The following MEGF9 variants were observed in gnomAD, a reference collection of about 807,000 sequenced individuals.
MEGF9 encodes multiple EGF like domains 9, also known as multiple epidermal growth factor-like domains protein 9.
In MEGF9, 6 loss-of-function variants were observed where a neutral mutation model predicts 46.8. The ratio of observed to expected loss-of-function variants is 0.13; its 90% CI spans 0.07 to 0.25. The LOEUF is 0.25. Ranked by LOEUF, MEGF9 falls within the 10% of genes least tolerant of loss-of-function variation. The pLI, the probability that MEGF9 is intolerant of heterozygous loss-of-function variation, is 1.00. For synonymous variants in MEGF9, 302 were observed against 330.7 expected (o/e 0.91, Z 0.94); for missense variants, 683 against 792.4 (o/e 0.86, Z 1.66).
At chr9:120,659,697 T>A in intron 1 of MEGF9, 122 bp from the exon 2 acceptor site, 1 of 807,300 alleles carries the variant, frequency 1.2e-6, no homozygotes, top group Non-Finnish European at 1.9e-6. Context: ...TAGATAAAAT[T>A]AACTCTAGTT....
At chr9:120,628,228 A>G (rs552353338) in intron 2 of MEGF9, among the ~76,000 whole-genome samples, 1 of 152,302 alleles carries the variant, frequency 6.6e-6, no homozygotes, top group South Asian at 2.1e-4. Context: ...TCCTCTTGTT[A>G]AAAGAAACTT....
intron 1 of MEGF9, among the ~76,000 whole-genome samples, chr9:120,675,620 G>A (rs1348636870): frequency 6.8e-6 from 1 of 147,268 alleles, no homozygotes; most frequent in Non-Finnish European, 1.5e-5. Flanking sequence ...CAGGCGCAGT[G>A]GCTCATGCCT....
rs1248913473 is a variant in MEGF9 at position 120,602,969 on chromosome 9, T to A, written c.*2221A>T. ...ACTAATACTAACTTCAGTTAGTAAA[T>A]CTTCTTGTGTTCTTTTCACTAAGTG... is the stretch of plus-strand genomic sequence containing the variant. On this transcript the variant is annotated 3_prime_UTR_variant, in exon 6 of 6. Coordinates refer to ENST00000373930, the MANE Select transcript of MEGF9 (RefSeq NM_001080497.3). 6.6e-6 allele frequency: 1 copy of A among 152,168 alleles called. No homozygotes were observed. Among genetic ancestry groups the A allele is most frequent in the Non-Finnish European group, 1.5e-5 (1 of 68,030 alleles). The allele number at this position is 152,168 out of a possible 1,614,324, so 9.4% of individuals were successfully genotyped here. A position where few individuals can be genotyped will look rare whatever the true frequency, so the allele number is the denominator to read the frequency against.
chr9:120,616,586 G>C (rs1197342033), intron 3 of MEGF9, among the ~76,000 whole-genome samples: 6 of 151,598 alleles, frequency 4.0e-5, no homozygotes, highest in Non-Finnish European at 8.8e-5. Flanking sequence ...GGCTGAGGCA[G>C]GAGAATGGCG....
intron 1 of MEGF9, among the ~76,000 whole-genome samples, chr9:120,709,777 G>T (rs928186292): frequency 6.6e-6 from 1 of 152,132 alleles, no homozygotes; most frequent in Non-Finnish European, 1.5e-5. Flanking sequence ...GCCAGCGTGC[G>T]GCAGCTCACA....
intron 1 of MEGF9, among the ~76,000 whole-genome samples, chr9:120,684,858 G>A (rs1351040809): frequency 6.6e-6 from 1 of 151,120 alleles, no homozygotes; most frequent in Non-Finnish European, 1.5e-5. Context: ...TTTTGAGACG[G>A]AGTCTCGCTC....
At chr9:120,674,566 TTCTC>T (rs917892291) in intron 1 of MEGF9, among the ~76,000 whole-genome samples, 111 of 151,982 alleles carry the variant, frequency 7.3e-4, no homozygotes, top group Non-Finnish European at 1.3e-3. Flanking sequence ...TCTTTCTTTC[TTCTC>T]TCTCTCTTTT....
At chr9:120,677,861 C>T (rs573930390) in intron 1 of MEGF9, among the ~76,000 whole-genome samples, 2 of 152,226 alleles carry the variant, frequency 1.3e-5, no homozygotes, top group African/African-American at 4.8e-5. Flanking sequence ...GTTAATTGTT[C>T]ATGTTTCGAG....
chr9:120,674,880 A>ATT (rs35813407), intron 1 of MEGF9, among the ~76,000 whole-genome samples: 163 of 135,718 alleles, frequency 1.2e-3, no homozygotes, highest in East Asian at 1.7e-3. Flanking sequence ...AGCAGTTTCT[A>ATT]TTTTTTTTTT....
chr9:120,612,747 G>A (rs996922849), intron 3 of MEGF9, among the ~76,000 whole-genome samples: 52 of 152,138 alleles, frequency 3.4e-4, no homozygotes, highest in Non-Finnish European at 2.5e-4. Context: ...AGGGAAAGGT[G>A]GGATACAAGA....
intron 1 of MEGF9, among the ~76,000 whole-genome samples, chr9:120,703,313 A>G (rs951692052): frequency 4.6e-5 from 7 of 152,242 alleles, no homozygotes; most frequent in Non-Finnish European, 7.3e-5. Context: ...TTAAGAATCT[A>G]TCTGGGCTGG....
At chr9:120,647,555 A>G (rs117971579) in intron 2 of MEGF9, among the ~76,000 whole-genome samples, 1 of 152,330 alleles carries the variant, frequency 6.6e-6, no homozygotes, top group Non-Finnish European at 1.5e-5. Context: ...AAAATATTCA[A>G]GTGTACCATA....
chr9:120,656,456 A>T (rs1452231303), intron 2 of MEGF9, among the ~76,000 whole-genome samples: 1 of 149,510 alleles, frequency 6.7e-6, no homozygotes, highest in Non-Finnish European at 1.5e-5. Flanking sequence ...CTCAGGCAGG[A>T]GAATGGCGTG....
intron 2 of MEGF9, among the ~76,000 whole-genome samples, chr9:120,623,300 T>C (rs1184991408): frequency 1.2e-4 from 19 of 152,244 alleles, no homozygotes; most frequent in Non-Finnish European, 7.3e-5. Flanking sequence ...CTTCATTCTG[T>C]AGATCCAAAG....
At chr9:120,708,967 C>T (rs7869650) in intron 1 of MEGF9, among the ~76,000 whole-genome samples, 3,618 of 152,248 alleles carry the variant, frequency 0.024, 152 homozygotes, top group African/African-American at 0.084. Flanking sequence ...CAACATAATG[C>T]GGCTGCCAAA....
intron 1 of MEGF9, chr9:120,690,007 AAGAC>A (rs576028148): frequency 7.6e-6 from 4 of 525,678 alleles, no homozygotes; most frequent in Non-Finnish European, 1.6e-5. Flanking sequence ...TGAATAAACA[AAGAC>A]AGACAATGAG....
chr9:120,618,448 T>A (rs2043481828), intron 3 of MEGF9, among the ~76,000 whole-genome samples: 1 of 152,234 alleles, frequency 6.6e-6, no homozygotes, highest in Non-Finnish European at 1.5e-5. Flanking sequence ...AAAGGTACAC[T>A]GGATTTTCAA....
At chr9:120,710,079 C>T (rs2132347829) in intron 1 of MEGF9, among the ~76,000 whole-genome samples, 1 of 147,696 alleles carries the variant, frequency 6.8e-6, no homozygotes, top group East Asian at 2.0e-4. Context: ...ACCTTAGTGT[C>T]TTACTGATTA....
At chr9:120,608,418 C>T (rs1051487824) in intron 4 of MEGF9, among the ~76,000 whole-genome samples, 1 of 152,098 alleles carries the variant, frequency 6.6e-6, no homozygotes, top group Non-Finnish European at 1.5e-5. Context: ...GTGTTATTCC[C>T]TTCTTTTTAT....
Sources: allele counts gnomAD v4.1 joint callset (sites outside exome capture counted in the v4.1 genomes callset), GRCh38; gene constraint gnomAD v4.1.1; transcripts MANE v1.5; gene names NCBI Gene and HGNC (gene_info 2026-07-23, HGNC 2026-07-21).